Variants in PSD3 observed in about 807,000 individuals in gnomAD.
PSD3 encodes pleckstrin and Sec7 domain containing 3.
In PSD3, 49 loss-of-function variants were observed where a neutral mutation model predicts 105.5. The ratio of observed to expected loss-of-function variants is 0.46; its 90% confidence interval spans 0.37 to 0.59. The LOEUF (loss-of-function observed/expected upper bound fraction) is 0.59. Among genes scored for constraint, PSD3 ranks in the 20% least tolerant of loss-of-function variants. The pLI is 0.00. For missense variants in PSD3, 1,561 were observed against 1,263.8 expected, an observed-to-expected ratio of 1.24 and a Z score of -3.57; for synonymous variants, 557 against 457.8, an observed-to-expected ratio of 1.22 and a Z score of -2.77.
At chr8:18,607,524 C>G (rs1484674018) in intron 11 of PSD3, among the ~76,000 whole-genome samples, 1 of 151,952 alleles carries the variant, frequency 6.6e-6, no homozygotes, top group African/African-American at 2.4e-5. Context: ...CGTTTTCACT[C>G]TGGTTTCCAT....
intron 2 of PSD3, among the ~76,000 whole-genome samples, chr8:18,935,503 C>T (rs1388555959): frequency 5.0e-5 from 7 of 140,908 alleles, no homozygotes; most frequent in African/African-American, 1.6e-4. Flanking sequence ...TAGCCAGACC[C>T]TGTCTCTTAA....
At chr8:19,001,473 A>C (rs998127374) in intron 1 of PSD3, among the ~76,000 whole-genome samples, 4 of 151,754 alleles carry the variant, frequency 2.6e-5, no homozygotes, top group African/African-American at 9.7e-5. Flanking sequence ...ACCTACACTG[A>C]CACACTGATC....
intron 12 of PSD3, among the ~76,000 whole-genome samples, chr8:18,576,889 CTTT>C (rs71217384): frequency 1.4e-5 from 2 of 146,224 alleles, no homozygotes. Flanking sequence ...TTTGTGTGTA[CTTT>C]TTTTTTTTTT....
rs1806774342 is a variant in PSD3, at chr8:18,629,961, A to G, written c.2410+2652T>C. 2.0e-5 allele frequency among the ~76,000 whole-genome samples: 3 copies of G among 151,880 alleles called. No homozygotes were observed. The South Asian group carries it at 6.2e-4, about 31-fold the overall frequency. On this transcript the variant is annotated intron_variant, in intron 11 of 15. Transcript: ENST00000327040. The stretch of plus-strand genomic sequence containing the variant: ...AATTGAAATGGGGATATCCAGGAAG[A>G]GCCTGAGGAATTAAAGGCAGCTGAA...
At position 18,871,747 on chromosome 8, in the gene PSD3, C is replaced by T. The variant is rs1472451539; in HGVS notation, c.1117G>A (p.Gly373Ser). Residue 373 changes from glycine (G) to serine (S), a missense_variant, in exon 3 of 16, where the codon GGC (glycine) becomes AGC (serine). Gly to Ser is a moderately conservative substitution (Grantham distance 56, BLOSUM62 0). Transcript: ENST00000327040. ...GGGGAAAATGTCCCCGAGCTAGTGC[C>T]AGGCCTCTCTGAAGGAGCTTTCCAG... ...ESWKAPSERP[G>S]TSSGTFSPVR... 2.5e-6 allele frequency: 4 copies of T among 1,614,028 alleles called. No individual in the cohort carries two copies. The Admixed American group carries it at 6.7e-5, about 27-fold the overall frequency.
At chr8:18,711,067 C>T (rs536489585) in intron 9 of PSD3, among the ~76,000 whole-genome samples, 1 of 152,078 alleles carries the variant, frequency 6.6e-6, no homozygotes, top group African/African-American at 2.4e-5. Flanking sequence ...GAAATAAAAT[C>T]TTTTTCAGAC....
chr8:19,028,278 A>ACCCCCCCCCCCC (rs80142544), intron 1 of PSD3, among the ~76,000 whole-genome samples: 1 of 94,016 alleles, frequency 1.1e-5, no homozygotes, highest in Non-Finnish European at 2.0e-5. Flanking sequence ...CTCTCACACC[A>ACCCCCCCCCCCC]CCCCCCCCCC....
chr8:18,548,155 GGTT>G (rs1232734400), intron 15 of PSD3, among the ~76,000 whole-genome samples: 1 of 151,894 alleles, frequency 6.6e-6, no homozygotes, highest in East Asian at 1.9e-4. Flanking sequence ...AATTTGTTTG[GGTT>G]GTTAAATAAT....
chr8:19,017,015 A>G (rs1827199596), upstream of PSD3, among the ~76,000 whole-genome samples: 2 of 151,658 alleles, frequency 1.3e-5, no homozygotes, highest in South Asian at 2.1e-4. Flanking sequence ...TTCAAGCCAT[A>G]GCAATACTTT....
intron 9 of PSD3, among the ~76,000 whole-genome samples, chr8:18,754,065 G>A (rs1217929736): frequency 6.6e-6 from 1 of 152,090 alleles, no homozygotes; most frequent in Non-Finnish European, 1.5e-5. Context: ...TGGCCAAACT[G>A]AGAAAACAAT....
At chr8:19,067,448 A>C (rs1328517383) in intron 1 of PSD3, among the ~76,000 whole-genome samples, 1 of 152,188 alleles carries the variant, frequency 6.6e-6, no homozygotes, top group Non-Finnish European at 1.5e-5. Flanking sequence ...CACAGAAGGC[A>C]CCAGAACAGC....
intron 15 of PSD3, among the ~76,000 whole-genome samples, chr8:18,542,245 A>G (rs935953742): frequency 6.6e-6 from 1 of 152,198 alleles, no homozygotes; most frequent in African/African-American, 2.4e-5. Context: ...AGCATACATT[A>G]AAAAGATAAG....
At chr8:18,637,270 C>G (rs987400746) in intron 10 of PSD3, among the ~76,000 whole-genome samples, 2 of 152,180 alleles carry the variant, frequency 1.3e-5, no homozygotes, top group Non-Finnish European at 2.9e-5. Context: ...GTGAAAAACA[C>G]ATTCCTTCGT....
chr8:19,059,129 A>G (rs1046833122), intron 1 of PSD3, among the ~76,000 whole-genome samples: 4 of 152,226 alleles, frequency 2.6e-5, no homozygotes, highest in African/African-American at 7.2e-5. Flanking sequence ...ACTTTAGCAG[A>G]GACATGAAAA....
At chr8:18,607,426 T>C (rs1804922155) in intron 11 of PSD3, among the ~76,000 whole-genome samples, 1 of 152,216 alleles carries the variant, frequency 6.6e-6, no homozygotes, top group Non-Finnish European at 1.5e-5. Flanking sequence ...TCCACGGTTA[T>C]AACCTCCATC....
intron 9 of PSD3, among the ~76,000 whole-genome samples, chr8:18,760,058 G>C (rs1162248433): frequency 6.6e-6 from 1 of 151,220 alleles, no homozygotes; most frequent in Non-Finnish European, 1.5e-5. Context: ...TCAGGGAACA[G>C]AAATGCAGAG....
chr8:18,840,777 G>A (rs370547391), intron 4 of PSD3, among the ~76,000 whole-genome samples: 23 of 152,252 alleles, frequency 1.5e-4, no homozygotes, highest in African/African-American at 5.5e-4. Flanking sequence ...TGGGACAGCA[G>A]ATTCACAGAC....
chr8:18,591,911 T>C (rs1803641724), intron 12 of PSD3, among the ~76,000 whole-genome samples: 1 of 152,128 alleles, frequency 6.6e-6, no homozygotes, highest in African/African-American at 2.4e-5. Context: ...CAGAGTTCCC[T>C]AAAATCTGTT....
At chr8:19,064,631 CT>C (rs1252716214) in intron 1 of PSD3, among the ~76,000 whole-genome samples, 2 of 152,090 alleles carry the variant, frequency 1.3e-5, no homozygotes, top group African/African-American at 4.8e-5. Context: ...GAGGTCCCCC[CT>C]AGCAAAAAAT....
Sources: gnomAD v4.1 joint callset for allele counts (sites outside exome capture counted in the v4.1 genomes callset) on GRCh38, gnomAD v4.1.1 for gene constraint, MANE v1.5 for transcripts, NCBI Gene and HGNC (gene_info 2026-07-23, HGNC 2026-07-21) for gene names.